The following VEGFA variants were observed in gnomAD, a reference collection of about 807,000 sequenced individuals.
The protein encoded by VEGFA is vascular endothelial growth factor A, long form.
In VEGFA, 20 loss-of-function variants were observed where a neutral mutation model predicts 49.7. That is an observed-to-expected ratio of 0.40 (90% CI 0.28 to 0.58). The LOEUF (loss-of-function observed/expected upper bound fraction) is 0.58, where lower values mean the gene tolerates loss of function less well. Ranked by LOEUF, VEGFA falls within the 20% of genes least tolerant of loss-of-function variation. The pLI, the probability that VEGFA is intolerant of heterozygous loss-of-function variation, is 0.40. For synonymous variants in VEGFA, 219 were observed against 223.4 expected, an observed-to-expected ratio of 0.98 and a Z score of 0.18; for missense variants, 505 against 553.5, an observed-to-expected ratio of 0.91 and a Z score of 0.88.
chr6:43,771,143 G>A lies in VEGFA; in HGVS notation c.437G>A (p.Gly146Glu), dbSNP rs1381796343. Reference sequence around the variant, plus strand: ...GCCCTGGCCCGGGCCTCGGGCCGGGGAGGAAGAGTAGCTCGCCGAGGCGCC... The same window carrying A: ...GCCCTGGCCCGGGCCTCGGGCCGGGAAGGAAGAGTAGCTCGCCGAGGCGCC... The change falls in exon 1 of 8, where the codon GGA becomes GAA. Residue 146 changes from glycine to glutamate, a missense_variant. Around this residue, in one of 2 missense-constraint regions of VEGFA, gnomAD observed 340 missense variants for 321.8 expected, o/e 1.06. Transcript: ENST00000672860. 1.3e-6 allele frequency: 2 copies of A among 1,528,328 alleles called. No individual in the cohort carries two copies. The highest frequency in any genetic ancestry group is 2.0e-5 in the Admixed American group (1 of 49,288). The allele number at this position is 1,528,328 out of a possible 1,614,324, so 94.7% of individuals were successfully genotyped here. A position where few individuals can be genotyped will look rare whatever the true frequency, so the allele number is the denominator to read the frequency against.
chr6:43,774,305 G>A (rs778262617), intron 1 of VEGFA, 36 bp from the exon 2 acceptor site: 2 of 1,613,086 alleles, frequency 1.2e-6, no homozygotes, highest in Non-Finnish European at 1.7e-6. Context: ...CCCAGCCCCT[G>A]CCCATGCCCA....
intron 5 of VEGFA, chr6:43,779,976 TGGTGTAGCA>T (rs140885721): frequency 0.055 from 15,518 of 283,516 alleles, 563 homozygotes; most frequent in Admixed American, 0.1. Context: ...TCTGGTGAGA[TGGTGTAGCA>T]GGCTTTGACA....
chr6:43,786,433 A>G lies in VEGFA; in HGVS notation c.*1871A>G, dbSNP rs1266240172. The stretch of plus-strand genomic sequence containing the variant: ...TAAACAACGACAAAGAAATACAGAT[A>G]TATCTTAAAAAAAAAAAAGCATTTT... On this transcript the variant is annotated 3_prime_UTR_variant, in exon 8 of 8. Coordinates refer to ENST00000672860, the MANE Select transcript of VEGFA (RefSeq NM_003376.6). The G allele has an allele frequency of 5.9e-6, 1 of 170,880 alleles. No homozygotes were observed. The highest frequency in any genetic ancestry group is 2.4e-5 in the African/African-American group (1 of 41,938). The allele number at this position is 170,880 out of a possible 1,614,324, so 10.6% of individuals were successfully genotyped here. A position where few individuals can be genotyped will look rare whatever the true frequency, so the allele number is the denominator to read the frequency against.
chr6:43,771,879 TG>T, intron 1 of VEGFA: 1 of 274,054 alleles, frequency 3.6e-6, no homozygotes, highest in Non-Finnish European at 5.6e-6. Flanking sequence ...CCCTCCCTGC[TG>T]GGCCACCTGC....
chr6:43,770,334 T>G lies in VEGFA; in HGVS notation c.-373T>G. ...CGGACTCACCGGCCAGGGCGCTCGG[T>G]GCTGGAATTTGATATTCATTGATCC... On this transcript the variant is annotated 5_prime_UTR_variant, in exon 1 of 8. Transcript: ENST00000672860. The G allele has an allele frequency of 3.5e-6, 1 of 287,180 alleles. No homozygotes were observed. The highest frequency in any genetic ancestry group is 6.4e-6 in the Non-Finnish European group (1 of 155,246). The allele number at this position is 287,180 out of a possible 1,614,324, so 17.8% of individuals were successfully genotyped here.
At chr6:43,771,941 TC>T in intron 1 of VEGFA, 6 of 872,290 alleles carry the variant, frequency 6.9e-6, no homozygotes, top group Non-Finnish European at 8.2e-6. Flanking sequence ...GTGCCCGCCC[TC>T]CCCCGCCCGG....
intron 7 of VEGFA, 91 bp downstream of exon 7, chr6:43,782,178 G>A (rs757266571): frequency 2.0e-4 from 308 of 1,560,756 alleles, no homozygotes; most frequent in Non-Finnish European, 2.5e-4. Flanking sequence ...GCGAGCGAGC[G>A]GGAGAGCGCC....
intron 3 of VEGFA, chr6:43,778,145 G>A (rs1473903839): frequency 1.9e-6 from 1 of 513,028 alleles, no homozygotes; most frequent in African/African-American, 1.9e-5. Context: ...TCAGGGTGAA[G>A]CCTAGAGAGG....
rs1763399497 is a variant in VEGFA, at chr6:43,771,165, C to T, written c.459C>T (p.Gly153=). 2 of 1,564,596 alleles carry T rather than the reference C, an allele frequency of 1.3e-6. No individual in the cohort carries two copies. The highest frequency in any genetic ancestry group is 1.1e-5 in the South Asian group (1 of 87,128). ...GGGGAGGAAGAGTAGCTCGCCGAGG[C>T]GCCGAGGAGAGCGGGCCGCCCCACA... Residue 153 remains glycine (G), a synonymous_variant, in exon 1 of 8, where the codon GGC becomes GGT. Transcript: ENST00000672860.
At position 43,778,448 on chromosome 6, in the gene VEGFA, C is replaced by T. The variant is rs770296339; in HGVS notation, c.856-12C>T. 55 of 1,613,740 alleles carry T rather than the reference C, an allele frequency of 3.4e-5. No homozygotes were observed. The highest frequency in any genetic ancestry group is 1.3e-4 in the Admixed American group (8 of 60,006). ...GTCACTAACCTCTGTGATCTGCTTC[C>T]TTCCTTTCCAGATTATGCGGATCAA... On this transcript the variant is annotated splice_polypyrimidine_tract_variant and intron_variant, in intron 3 of 7. Coordinates refer to ENST00000672860, the MANE Select transcript of VEGFA (RefSeq NM_003376.6).
chr6:43,774,294 C>A (rs755849433), intron 1 of VEGFA, 47 bp from the exon 2 acceptor site: 1 of 1,602,466 alleles, frequency 6.2e-7, no homozygotes, highest in African/African-American at 1.3e-5. Flanking sequence ...GGCCTGTGCA[C>A]CCCAGCCCCT....
intron 5 of VEGFA, chr6:43,780,414 T>C (rs1291913200): frequency 4.8e-6 from 2 of 418,488 alleles, no homozygotes; most frequent in Non-Finnish European, 9.0e-6. Context: ...GGAGCCACTG[T>C]GAGTGTGGAG....
At chr6:43,781,034 G>A in intron 6 of VEGFA, 2 of 1,065,318 alleles carry the variant, frequency 1.9e-6, no homozygotes, top group Non-Finnish European at 1.4e-6. Context: ...TGCCGACTTG[G>A]CCTGGAGGAT....
intron 5 of VEGFA, 43 bp from the exon 6 acceptor site, chr6:43,780,689 A>ACC (rs1582518116): frequency 2.1e-5 from 26 of 1,238,838 alleles, no homozygotes; most frequent in Admixed American, 7.9e-5. Context: ...TACTCCCCCC[A>ACC]CCGCCCCCGC....
At chr6:43,783,765 A>T (rs1252549259) in intron 7 of VEGFA, 1 of 152,458 alleles carries the variant, frequency 6.6e-6, no homozygotes, top group African/African-American at 2.4e-5. Flanking sequence ...GGGCAGGGGC[A>T]TGCTGAGAAA....
Position 43,784,454 on chromosome 6 carries a change from G to A in VEGFA, c.1167-87G>A, listed in dbSNP as rs1401339243. The A allele has an allele frequency of 4.5e-6, 6 of 1,343,632 alleles. No individual in the cohort carries two copies. In the South Asian group the frequency reaches 5.8e-5, roughly 13 times the overall value. The allele number at this position is 1,343,632 out of a possible 1,614,324, so 83.2% of individuals were successfully genotyped here. On this transcript the variant is annotated intron_variant, in intron 7 of 7. Transcript: ENST00000672860. ...TGCCGGAGGCTGCAGTGACCCAGGG[G>A]CCCCCAGGAATGGGGAGGCCGCCTG...
intron 7 of VEGFA, chr6:43,782,296 C>T (rs191937823): frequency 1.0e-4 from 76 of 726,290 alleles, no homozygotes; most frequent in African/African-American, 4.6e-4. Context: ...TCCAGCCTGG[C>T]GGGGCCTGTT....
intron 7 of VEGFA, 86 bp from the exon 8 acceptor site, chr6:43,784,455 C>A: frequency 7.4e-7 from 1 of 1,348,532 alleles, no homozygotes; most frequent in South Asian, 1.2e-5. Context: ...GACCCAGGGG[C>A]CCCCAGGAAT....
At chr6:43,783,320 T>G (rs1457871348) in intron 7 of VEGFA, 1 of 152,200 alleles carries the variant, frequency 6.6e-6, no homozygotes, top group Non-Finnish European at 1.5e-5. Flanking sequence ...GTCCTTGGAG[T>G]GTCTCCCCTC....
Sources: allele counts gnomAD v4.1 joint callset, GRCh38; gene constraint gnomAD v4.1.1; regional missense constraint gnomAD v4.1.1; transcripts MANE v1.5; gene names NCBI Gene and HGNC (gene_info 2026-07-23, HGNC 2026-07-21).